DLG2: variants seen among roughly 807,000 people sequenced by gnomAD.
The protein encoded by DLG2 is disks large homolog 2.
A neutral mutation model predicts 132.5 loss-of-function variants in DLG2; 45 were observed. The ratio of observed to expected loss-of-function variants is 0.34; its 90% CI spans 0.27 to 0.44. The LOEUF (loss-of-function observed/expected upper bound fraction) is 0.44. Ranked by LOEUF, DLG2 falls within the 20% of genes least tolerant of loss-of-function variation. The pLI is 1.00. For synonymous variants in DLG2, 424 were observed against 419.6 expected (o/e 1.01, Z -0.13); for missense variants, 1,045 against 1,196.9 (o/e 0.87, Z 1.87).
chr11:84,425,982 G>A (rs2154470362), intron 7 of DLG2, among the ~76,000 whole-genome samples: 1 of 152,192 alleles, frequency 6.6e-6, no homozygotes, highest in African/African-American at 2.4e-5. Flanking sequence ...TTTTTTAATG[G>A]AAGCAGGGCA....
intron 4 of DLG2, among the ~76,000 whole-genome samples, chr11:85,277,516 T>C (rs1446437264): frequency 1.3e-5 from 2 of 152,162 alleles, no homozygotes; most frequent in African/African-American, 2.4e-5. Context: ...TTTTAGATCA[T>C]ATTATTGGAA....
At chr11:84,274,590 A>G (rs2097767434) in intron 7 of DLG2, among the ~76,000 whole-genome samples, 1 of 152,164 alleles carries the variant, frequency 6.6e-6, no homozygotes, top group South Asian at 2.1e-4. Flanking sequence ...ACTGGTTCAT[A>G]CTAATGCCCT....
intron 11 of DLG2, among the ~76,000 whole-genome samples, chr11:84,050,473 G>C (rs1449855409): frequency 6.6e-6 from 1 of 151,930 alleles, no homozygotes; most frequent in South Asian, 2.1e-4. Context: ...TAGGTTGCCT[G>C]TTCACTCTGA....
At chr11:84,884,475 T>C (rs887526035) in intron 6 of DLG2, among the ~76,000 whole-genome samples, 1 of 152,134 alleles carries the variant, frequency 6.6e-6, no homozygotes, top group African/African-American at 2.4e-5. Context: ...TGCAGAAGCA[T>C]CCTCAGATCT....
At chr11:83,533,150 T>C (rs2095799849) in intron 20 of DLG2, among the ~76,000 whole-genome samples, 1 of 152,128 alleles carries the variant, frequency 6.6e-6, no homozygotes, top group African/African-American at 2.4e-5. Flanking sequence ...TCTCCTCCCC[T>C]CTCCTCTTCT....
At chr11:84,728,534 T>C (rs1214689499) in intron 6 of DLG2, among the ~76,000 whole-genome samples, 1 of 152,168 alleles carries the variant, frequency 6.6e-6, no homozygotes, top group Non-Finnish European at 1.5e-5. Context: ...TCATCAGGAA[T>C]ATTGGCCTGA....
At chr11:83,510,318 C>A (rs1284414648) in intron 21 of DLG2, among the ~76,000 whole-genome samples, 1 of 152,062 alleles carries the variant, frequency 6.6e-6, no homozygotes, top group East Asian at 1.9e-4. Context: ...CTTTACCCCC[C>A]ACCATCTGAT....
At chr11:84,579,853 G>T (rs1037860995) in intron 6 of DLG2, among the ~76,000 whole-genome samples, 38 of 152,210 alleles carry the variant, frequency 2.5e-4, no homozygotes, top group African/African-American at 9.2e-4. Flanking sequence ...GAGAATAACA[G>T]ATGGAGGCAT....
intron 3 of DLG2, among the ~76,000 whole-genome samples, chr11:85,331,089 A>G (rs2081701822): frequency 6.6e-6 from 1 of 152,204 alleles, no homozygotes; most frequent in Non-Finnish European, 1.5e-5. Flanking sequence ...AAGTACAAAA[A>G]TAAACCCATA....
chr11:84,342,504 T>C (rs2098519863), intron 7 of DLG2, among the ~76,000 whole-genome samples: 1 of 152,158 alleles, frequency 6.6e-6, no homozygotes. Context: ...CCAAATAAAC[T>C]GTCTTTTGGG....
chr11:85,567,218 T>G (rs1430321846), intron 3 of DLG2, among the ~76,000 whole-genome samples: 2 of 152,230 alleles, frequency 1.3e-5, no homozygotes, highest in African/African-American at 4.8e-5. Context: ...AAACAGCTAT[T>G]GGTATTTTGA....
chr11:83,535,942 T>G (rs1229638764), intron 20 of DLG2, among the ~76,000 whole-genome samples: 3 of 152,184 alleles, frequency 2.0e-5, no homozygotes, highest in Non-Finnish European at 4.4e-5. Flanking sequence ...AAACAGAGCC[T>G]GAACATACAT....
chr11:83,736,718 A>G (rs746537947), intron 18 of DLG2, among the ~76,000 whole-genome samples: 1 of 152,182 alleles, frequency 6.6e-6, no homozygotes, highest in African/African-American at 2.4e-5. Flanking sequence ...TCTCTAGAGC[A>G]TTGCCCTAAA....
At chr11:83,859,069 C>T (rs1565375619) in intron 16 of DLG2, among the ~76,000 whole-genome samples, 1 of 152,198 alleles carries the variant, frequency 6.6e-6, no homozygotes, top group Non-Finnish European at 1.5e-5. Context: ...GATTGTGAGG[C>T]CTCACTAGCT....
chr11:84,849,979 G>A (rs1057012650), intron 6 of DLG2, among the ~76,000 whole-genome samples: 9 of 152,176 alleles, frequency 5.9e-5, no homozygotes, highest in South Asian at 2.1e-4. Context: ...ACTGCCTCCA[G>A]AAAACGATTT....
At chr11:84,018,435 A>G (rs7125494) in intron 11 of DLG2, among the ~76,000 whole-genome samples, 7 of 152,028 alleles carry the variant, frequency 4.6e-5, no homozygotes, top group Non-Finnish European at 1.0e-4. Flanking sequence ...CTACAACTAT[A>G]ATAAATGAGG....
intron 7 of DLG2, among the ~76,000 whole-genome samples, chr11:84,483,985 G>A (rs1418607769): frequency 7.9e-5 from 12 of 152,138 alleles, no homozygotes; most frequent in Admixed American, 7.9e-4. Flanking sequence ...CTTTATGAGA[G>A]TATAGGCATC....
chr11:85,620,601 C>G (rs184846777), intron 2 of DLG2, among the ~76,000 whole-genome samples: 3 of 152,210 alleles, frequency 2.0e-5, no homozygotes, highest in Admixed American at 6.5e-5. Context: ...AAGAGAGACA[C>G]GCTTACTGTT....
chr11:84,151,853 T>A (rs1455348019), intron 9 of DLG2, among the ~76,000 whole-genome samples: 3 of 152,222 alleles, frequency 2.0e-5, no homozygotes, highest in Admixed American at 2.0e-4. Context: ...TTGTGTGGTT[T>A]TGAGAGATCT....
Sources: allele counts gnomAD v4.1 joint callset (sites outside exome capture counted in the v4.1 genomes callset), GRCh38; gene constraint gnomAD v4.1.1; transcripts MANE v1.5; gene names NCBI Gene and HGNC (gene_info 2026-07-23, HGNC 2026-07-21).